ABCG2: variants seen among roughly 807,000 people sequenced by gnomAD.
ABCG2 encodes the protein ATP binding cassette subfamily G member 2 (JR blood group), also known as broad substrate specificity ATP-binding cassette transporter ABCG2.
A neutral mutation model predicts 73.5 loss-of-function variants in ABCG2; 80 were observed. The ratio of observed to expected loss-of-function variants is 1.09; its 90% CI spans 0.91 to 1.31. ABCG2 has a LOEUF of 1.31. ABCG2 is among the 50% of genes most tolerant of loss of function. The pLI, the probability that ABCG2 is intolerant of heterozygous loss-of-function variation, is 0.00. For synonymous variants in ABCG2, 269 were observed against 282.4 expected, an observed-to-expected ratio of 0.95 and a Z score of 0.48; for missense variants, 796 against 786.2, an observed-to-expected ratio of 1.01 and a Z score of -0.15.
chr4:88,113,824 C>A (rs1723324699), intron 8 of ABCG2, among the ~76,000 whole-genome samples: 1 of 151,632 alleles, frequency 6.6e-6, no homozygotes, highest in Admixed American at 6.6e-5. Flanking sequence ...ATTAGCCTGG[C>A]GTGGTGGTGC....
At chr4:88,093,294 A>G (rs2110168334) in intron 15 of ABCG2, among the ~76,000 whole-genome samples, 1 of 152,216 alleles carries the variant, frequency 6.6e-6, no homozygotes, top group Admixed American at 6.5e-5. Context: ...TCACGAGGTC[A>G]GGAGACGAGA....
intron 1 of ABCG2, among the ~76,000 whole-genome samples, chr4:88,187,868 T>G (rs577650077): frequency 6.6e-6 from 1 of 152,306 alleles, no homozygotes; most frequent in African/African-American, 2.4e-5. Flanking sequence ...AAATATGCTA[T>G]TAACAACACA....
rs754682253 is a variant in ABCG2, at chr4:88,158,550, T to G, written c.-184A>C. Reference sequence around the variant, plus strand: ...TTCCACTTAACAAGACCACCAAGCATGTGCACGGTGCGTTCCTAAATCCTA... The same window carrying G: ...TTCCACTTAACAAGACCACCAAGCAGGTGCACGGTGCGTTCCTAAATCCTA... On this transcript the variant is annotated 5_prime_UTR_variant, in exon 1 of 16. An upstream start codon of the reference 5' UTR is lost. Coordinates refer to ENST00000237612, the MANE Select transcript of ABCG2 (RefSeq NM_004827.3). 8 of 456,296 alleles carry G rather than the reference T, an allele frequency of 1.8e-5. 1 individual carries two copies. The highest frequency in any genetic ancestry group is 7.0e-5 in the Admixed American group (3 of 42,564). The allele number at this position is 456,296 out of a possible 1,614,324, so 28.3% of individuals were successfully genotyped here.
intron 1 of ABCG2, among the ~76,000 whole-genome samples, chr4:88,182,558 T>C (rs1187023563): frequency 6.6e-6 from 1 of 152,186 alleles, no homozygotes; most frequent in Non-Finnish European, 1.5e-5. Flanking sequence ...GTATCTTCTC[T>C]GACCACAATG....
intron 1 of ABCG2, among the ~76,000 whole-genome samples, chr4:88,153,199 A>T (rs1358091555): frequency 7.9e-6 from 1 of 126,528 alleles, no homozygotes; most frequent in East Asian, 2.4e-4. Context: ...GGCTTGGAGA[A>T]ACAGTGTAAA....
intron 9 of ABCG2, among the ~76,000 whole-genome samples, chr4:88,109,505 C>A (rs1204026906): frequency 6.6e-6 from 1 of 152,146 alleles, no homozygotes; most frequent in African/African-American, 2.4e-5. Flanking sequence ...CTGTGTTATT[C>A]TTTCTGGCAT....
intron 1 of ABCG2, among the ~76,000 whole-genome samples, chr4:88,204,876 G>A (rs1392788568): frequency 6.6e-6 from 1 of 152,104 alleles, no homozygotes; most frequent in Non-Finnish European, 1.5e-5. Flanking sequence ...TATTAGAGTA[G>A]GTGTATAAAA....
At position 88,121,788 on chromosome 4, in the gene ABCG2, C is replaced by G. The variant is rs1278453387; in HGVS notation, c.536G>C (p.Gly179Ala). The change falls in exon 6 of 16, where the codon GGA becomes GCA. Residue 179 changes from glycine to alanine, a missense_variant. Transcript: ENST00000237612. ...AGACACACCACGGATAAACTGAGTT[C>G]CAACCTAAATCACAAATATTATAAT... Reference protein sequence around the residue: ...GLDKVADSKVGTQFIRGVSGG... With the variant: ...GLDKVADSKVATQFIRGVSGG... The G allele has an allele frequency of 4.3e-6, 7 of 1,612,092 alleles. No individual in the cohort carries two copies. Among genetic ancestry groups the G allele is most frequent in the South Asian group, 2.2e-5 (2 of 90,518 alleles).
chr4:88,158,557 G>A lies in ABCG2; in HGVS notation c.-191C>T, dbSNP rs1002112887. The A allele has an allele frequency of 4.4e-6, 2 of 456,304 alleles. No individual in the cohort carries two copies. The highest frequency in any genetic ancestry group is 2.3e-5 in the Admixed American group (1 of 42,570). The allele number at this position is 456,304 out of a possible 1,614,324, so 28.3% of individuals were successfully genotyped here. A position where few individuals can be genotyped will look rare whatever the true frequency, so the allele number is the denominator to read the frequency against. On this transcript the variant is annotated 5_prime_UTR_variant, in exon 1 of 16. Coordinates refer to ENST00000237612, the MANE Select transcript of ABCG2 (RefSeq NM_004827.3). ...TAACAAGACCACCAAGCATGTGCAC[G>A]GTGCGTTCCTAAATCCTACCCAGTT...
At chr4:88,149,713 T>C (rs552159230) in intron 1 of ABCG2, among the ~76,000 whole-genome samples, 3 of 152,208 alleles carry the variant, frequency 2.0e-5, no homozygotes, top group African/African-American at 7.2e-5. Context: ...TAGTTGGGCA[T>C]GGTAGCGCAT....
At chr4:88,223,379 G>A (rs1370460963) in intron 1 of ABCG2, among the ~76,000 whole-genome samples, 1 of 152,178 alleles carries the variant, frequency 6.6e-6, no homozygotes, top group East Asian at 1.9e-4. Flanking sequence ...GAGGGACCCA[G>A]TGGGAGGTAA....
chr4:88,160,861 A>C (rs1469078598), upstream of ABCG2, among the ~76,000 whole-genome samples: 4 of 151,060 alleles, frequency 2.6e-5, no homozygotes, highest in African/African-American at 7.3e-5. Context: ...AAAAAAAAAA[A>C]AAAAAAAAAA....
At chr4:88,145,538 G>C (rs11934545) in intron 1 of ABCG2, among the ~76,000 whole-genome samples, 1 of 152,060 alleles carries the variant, frequency 6.6e-6, no homozygotes, top group Non-Finnish European at 1.5e-5. Flanking sequence ...CCTAATTCCC[G>C]ACAGACAGGA....
chr4:88,167,460 G>A (rs1357485581), intron 1 of ABCG2, among the ~76,000 whole-genome samples: 2 of 139,216 alleles, frequency 1.4e-5, no homozygotes, highest in East Asian at 2.1e-4. Context: ...TGCAACCTTC[G>A]CCTCCCAGGC....
chr4:88,144,783 C>T (rs1297465825), intron 1 of ABCG2, among the ~76,000 whole-genome samples: 2 of 151,986 alleles, frequency 1.3e-5, no homozygotes, highest in African/African-American at 4.8e-5. Flanking sequence ...AGAAGTTTAA[C>T]CATTTGTCTT....
At chr4:88,129,397 C>T (rs1297485572) in intron 5 of ABCG2, among the ~76,000 whole-genome samples, 1 of 152,120 alleles carries the variant, frequency 6.6e-6, no homozygotes, top group Non-Finnish European at 1.5e-5. Context: ...TGTATTGCTT[C>T]AATTATTTAG....
chr4:88,231,051 G>A (rs899394353), exon 1 of ABCG2: 1 of 152,226 alleles, frequency 6.6e-6, no homozygotes, highest in African/African-American at 2.4e-5. Context: ...TGCAGAGACA[G>A]TGGTAATACG....
At chr4:88,149,276 T>C (rs1235214586) in intron 1 of ABCG2, among the ~76,000 whole-genome samples, 1 of 152,190 alleles carries the variant, frequency 6.6e-6, no homozygotes, top group Non-Finnish European at 1.5e-5. Context: ...AATCTGTGAT[T>C]AGAAAGCCAA....
intron 4 of ABCG2, among the ~76,000 whole-genome samples, chr4:88,131,552 C>T (rs1724878108): frequency 6.6e-6 from 1 of 152,174 alleles, no homozygotes; most frequent in South Asian, 2.1e-4. Context: ...AAAAGGATAA[C>T]AGTAGTATGT....
Sources: allele counts gnomAD v4.1 joint callset (sites outside exome capture counted in the v4.1 genomes callset), GRCh38; gene constraint gnomAD v4.1.1; transcripts MANE v1.5; gene names NCBI Gene and HGNC (gene_info 2026-07-23, HGNC 2026-07-21).